The following ENTREP2 variants were observed in gnomAD, a reference collection of about 807,000 sequenced individuals.
The protein encoded by ENTREP2 is protein ENTREP2.
the ENTREP2 span, among the ~76,000 whole-genome samples, chr15:29,519,632 T>C: frequency 6.6e-6 from 1 of 152,228 alleles, no homozygotes; most frequent in Admixed American, 6.5e-5. Context: ...ACCGTGTTTA[T>C]TAGTAAGGCT....
the ENTREP2 span, among the ~76,000 whole-genome samples, chr15:29,451,695 C>G: frequency 1.3e-5 from 2 of 152,182 alleles, no homozygotes; most frequent in Admixed American, 6.5e-5. Flanking sequence ...AAGCCCCCTC[C>G]CCACCGGAAC....
the ENTREP2 span, chr15:29,570,646 C>G: frequency 1.5e-6 from 2 of 1,353,580 alleles, no homozygotes; most frequent in South Asian, 1.6e-5. Flanking sequence ...GGGAGCGGCC[C>G]GGGCACTCGC....
the ENTREP2 span, among the ~76,000 whole-genome samples, chr15:29,628,898 C>T: frequency 2.6e-5 from 4 of 152,168 alleles, no homozygotes; most frequent in East Asian, 1.9e-4. Flanking sequence ...TACAAGTGGG[C>T]GCCAACACAC....
the ENTREP2 span, among the ~76,000 whole-genome samples, chr15:29,472,921 G>GT: frequency 6.6e-6 from 1 of 152,204 alleles, no homozygotes; most frequent in African/African-American, 2.4e-5. Flanking sequence ...AAAATAGATT[G>GT]TAACTATCTG....
chr15:29,222,241 C>G, the ENTREP2 span, among the ~76,000 whole-genome samples: 8 of 152,318 alleles, frequency 5.3e-5, no homozygotes, highest in African/African-American at 1.9e-4. Flanking sequence ...CACTGCTACA[C>G]TCCCATCAGC....
chr15:29,633,110 C>T, the ENTREP2 span, among the ~76,000 whole-genome samples: 1 of 152,218 alleles, frequency 6.6e-6, no homozygotes, highest in Non-Finnish European at 1.5e-5. Context: ...AACATTTCCA[C>T]TCCAAACTCC....
At chr15:29,440,497 A>G in the ENTREP2 span, among the ~76,000 whole-genome samples, 1 of 152,216 alleles carries the variant, frequency 6.6e-6, no homozygotes, top group African/African-American at 2.4e-5. Flanking sequence ...ACTCGTTTCC[A>G]ACATTAGCAT....
At chr15:29,142,641 G>A in the ENTREP2 span, among the ~76,000 whole-genome samples, 3 of 152,200 alleles carry the variant, frequency 2.0e-5, no homozygotes, top group African/African-American at 4.8e-5. Flanking sequence ...CAGTTACCAC[G>A]CGATGGAAGG....
At chr15:29,145,547 C>T in the ENTREP2 span, among the ~76,000 whole-genome samples, 4 of 133,660 alleles carry the variant, frequency 3.0e-5, no homozygotes, top group Admixed American at 8.8e-5. Context: ...GGCGTGAACC[C>T]GGGAGGCAGA....
chr15:29,388,428 C>T, the ENTREP2 span, among the ~76,000 whole-genome samples: 1 of 152,212 alleles, frequency 6.6e-6, no homozygotes, highest in Non-Finnish European at 1.5e-5. Context: ...TGCCATCTCA[C>T]ACCAGTTAGA....
chr15:29,672,060 C>T, the ENTREP2 span, among the ~76,000 whole-genome samples: 1 of 152,196 alleles, frequency 6.6e-6, no homozygotes, highest in African/African-American at 2.4e-5. Context: ...CATCTTGGCT[C>T]ACTGCAACCT....
the ENTREP2 span, among the ~76,000 whole-genome samples, chr15:29,640,059 A>G: frequency 2.6e-5 from 4 of 152,290 alleles, no homozygotes; most frequent in African/African-American, 7.2e-5. Flanking sequence ...GTGAGCCACC[A>G]CGCCCAGCCA....
the ENTREP2 span, among the ~76,000 whole-genome samples, chr15:29,491,741 G>C: frequency 6.6e-6 from 1 of 152,276 alleles, no homozygotes; most frequent in Middle Eastern, 3.4e-3. Context: ...CATGGAGATA[G>C]CCAGCATAGG....
At chr15:29,268,181 A>G in the ENTREP2 span, 57 of 152,370 alleles carry the variant, frequency 3.7e-4, no homozygotes, top group African/African-American at 1.3e-3. Context: ...ATTTATTGTA[A>G]TAACTACAGT....
the ENTREP2 span, among the ~76,000 whole-genome samples, chr15:29,527,821 T>C: frequency 6.6e-6 from 1 of 152,134 alleles, no homozygotes; most frequent in Non-Finnish European, 1.5e-5. Flanking sequence ...GAATTCAAAG[T>C]AAGCCCCCCT....
At chr15:29,329,052 TG>T in the ENTREP2 span, among the ~76,000 whole-genome samples, 2 of 152,232 alleles carry the variant, frequency 1.3e-5, no homozygotes, top group African/African-American at 4.8e-5. Flanking sequence ...AGATTAACAA[TG>T]ATCCCTAATA....
chr15:29,672,833 G>A, the ENTREP2 span, among the ~76,000 whole-genome samples: 2 of 152,068 alleles, frequency 1.3e-5, no homozygotes, highest in Admixed American at 6.6e-5. Context: ...CTGGAAAGGG[G>A]TCCCAATCCA....
At chr15:29,560,518 C>T in the ENTREP2 span, among the ~76,000 whole-genome samples, 8 of 152,146 alleles carry the variant, frequency 5.3e-5, no homozygotes, top group Admixed American at 4.6e-4. Context: ...CCTGCCCTTG[C>T]TGTGTCCACT....
At chr15:29,333,422 C>G in the ENTREP2 span, among the ~76,000 whole-genome samples, 6 of 152,068 alleles carry the variant, frequency 3.9e-5, no homozygotes, top group Admixed American at 3.9e-4. Flanking sequence ...ACATCCAGCA[C>G]CCCCCGCCCC....
Sources: gnomAD v4.1 joint callset for allele counts (sites outside exome capture counted in the v4.1 genomes callset) on GRCh38, gnomAD v4.1.1 for gene constraint, MANE v1.5 for transcripts, NCBI Gene and HGNC (gene_info 2026-07-23, HGNC 2026-07-21) for gene names.